Variants in ANKFN1 observed in about 807,000 individuals in gnomAD.
The protein encoded by ANKFN1 is ankyrin repeat and fibronectin type-III domain-containing protein 1.
A neutral mutation model predicts 108.7 loss-of-function variants in ANKFN1; 74 were observed. The observed-to-expected ratio is 0.68, with a 90% CI of 0.56 to 0.83. The LOEUF (loss-of-function observed/expected upper bound fraction) is 0.83. Among genes scored for constraint, ANKFN1 ranks in the 40% least tolerant of loss-of-function variants. The probability of loss-of-function intolerance (pLI) is 0.00; values close to 1 mark genes in which losing one functional copy is unlikely to be tolerated. For missense variants in ANKFN1, 1,505 were observed against 1,382.3 expected (o/e 1.09, Z -1.41); for synonymous variants, 547 against 516.2 (o/e 1.06, Z -0.81).
intron 4 of ANKFN1, among the ~76,000 whole-genome samples, chr17:56,122,700 AAGAG>A (rs1384745460): frequency 3.3e-5 from 5 of 152,210 alleles, no homozygotes; most frequent in African/African-American, 7.2e-5. Context: ...ATCAGAAAGA[AAGAG>A]AAAGAAAATC....
chr17:56,444,918 C>T (rs532590579), intron 10 of ANKFN1, among the ~76,000 whole-genome samples: 113 of 152,268 alleles, frequency 7.4e-4, no homozygotes, highest in African/African-American at 2.6e-3. Flanking sequence ...GCCATCTGTG[C>T]CTGACTACCA....
chr17:56,061,359 C>G (rs979815783), intron 4 of ANKFN1, among the ~76,000 whole-genome samples: 13 of 132,100 alleles, frequency 9.8e-5, no homozygotes, highest in African/African-American at 3.5e-4. Flanking sequence ...GCAACTTCTG[C>G]CTCCCAGGTT....
intron 3 of ANKFN1, among the ~76,000 whole-genome samples, chr17:56,260,921 AC>A (rs1468993417): frequency 5.9e-5 from 9 of 152,186 alleles, no homozygotes; most frequent in African/African-American, 2.2e-4. Context: ...GAGTTAACTT[AC>A]TCCTCTTTTG....
intron 1 of ANKFN1, among the ~76,000 whole-genome samples, chr17:56,190,564 T>C (rs1287438042): frequency 1.3e-3 from 180 of 134,484 alleles, no homozygotes; most frequent in African/African-American, 4.9e-3. Context: ...TTGATTGCAC[T>C]GTGGTCTGAG....
chr17:56,510,224 C>T (rs530838256), intron 20 of ANKFN1, among the ~76,000 whole-genome samples: 1 of 152,302 alleles, frequency 6.6e-6, no homozygotes, highest in Admixed American at 6.5e-5. Flanking sequence ...CTGAACCTGT[C>T]AGAGTTCCTC....
At chr17:56,472,357 A>G (rs1192206293) in intron 15 of ANKFN1, 1 of 152,210 alleles carries the variant, frequency 6.6e-6, no homozygotes, top group East Asian at 1.9e-4. Flanking sequence ...TTGAGTTTTC[A>G]TACTCCATCC....
chr17:56,067,783 C>T (rs530906540), intron 4 of ANKFN1, among the ~76,000 whole-genome samples: 43 of 152,220 alleles, frequency 2.8e-4, no homozygotes, highest in African/African-American at 9.9e-4. Context: ...TTATTAACTA[C>T]GAGGCAGGGA....
At chr17:56,077,757 T>C (rs1355951448) in intron 4 of ANKFN1, among the ~76,000 whole-genome samples, 1 of 152,072 alleles carries the variant, frequency 6.6e-6, no homozygotes, top group African/African-American at 2.4e-5. Flanking sequence ...ATGTGCTTTC[T>C]CTCCCACCTT....
intron 4 of ANKFN1, among the ~76,000 whole-genome samples, chr17:56,145,753 C>T (rs773389280): frequency 3.2e-4 from 48 of 152,186 alleles, no homozygotes; most frequent in African/African-American, 7.2e-4. Flanking sequence ...ACCAATCATG[C>T]GTTCCCAACA....
upstream of ANKFN1, among the ~76,000 whole-genome samples, chr17:56,152,258 ATATATGTGTGTGTG>A (rs1395695474): frequency 7.1e-5 from 6 of 84,458 alleles, no homozygotes; most frequent in Non-Finnish European, 1.3e-4. Context: ...ATATATATAT[ATATATGTGTGTGTG>A]TGTGTGTGTG....
At chr17:56,411,141 G>T (rs1457799200) in intron 8 of ANKFN1, among the ~76,000 whole-genome samples, 1 of 152,074 alleles carries the variant, frequency 6.6e-6, no homozygotes, top group East Asian at 1.9e-4. Context: ...AACATGGGAT[G>T]TCTTTCCACC....
chr17:56,353,592 C>T (rs2046302249), intron 5 of ANKFN1, among the ~76,000 whole-genome samples: 1 of 152,094 alleles, frequency 6.6e-6, no homozygotes. Context: ...CTGAGGTTTG[C>T]TCTTATCTAC....
intron 4 of ANKFN1, among the ~76,000 whole-genome samples, chr17:56,141,923 C>CTTTTTTTTTT (rs34394014): frequency 2.1e-5 from 2 of 95,670 alleles, no homozygotes; most frequent in Admixed American, 1.3e-4. Context: ...CGATGGTGTA[C>CTTTTTTTTTT]TTTTTTTTTT....
At position 56,457,753 on chromosome 17, in the gene ANKFN1, G is replaced by A. The variant is rs74951476; in HGVS notation, c.1441-110G>A. On this transcript the variant is annotated intron_variant, in intron 13 of 20. Transcript: ENST00000682825. ...TTCGTGTGTGTCTGAAAATGGACTGGAGAATAAACATCAGGGGTCAGATTT... is the reference window on the plus strand; with the variant it reads ...TTCGTGTGTGTCTGAAAATGGACTGAAGAATAAACATCAGGGGTCAGATTT... The A allele has an allele frequency of 5.0e-3, 3,963 of 790,656 alleles. 126 individuals carry two copies. The East Asian group carries it at 0.071, about 14-fold the overall frequency. 49.0% of individuals were successfully genotyped at this position (790,656 alleles called of 1,614,324 possible).
chr17:56,361,466 T>G (rs2046515115), intron 6 of ANKFN1, among the ~76,000 whole-genome samples: 1 of 151,950 alleles, frequency 6.6e-6, no homozygotes, highest in South Asian at 2.1e-4. Context: ...ATTTCTGGAG[T>G]CAGAGAGCTC....
chr17:56,403,622 G>A lies in ANKFN1; in HGVS notation c.910+28908G>A, dbSNP rs545633677. On this transcript the variant is annotated intron_variant, in intron 8 of 20. Coordinates refer to ENST00000682825, the MANE Select transcript of ANKFN1 (RefSeq NM_001370326.1). ...CATTCTGTGGTTCTGTATCTTTTAA[G>A]TGGAGCATTTAGGCCATTTACATTC... Among the ~76,000 whole-genome samples the A allele has an allele frequency of 5.3e-5, 8 of 152,304 alleles. No individual in the cohort carries two copies. In the South Asian group the frequency reaches 1.2e-3, roughly 24 times the overall value.
At chr17:56,394,325 T>C (rs2047518542) in intron 8 of ANKFN1, among the ~76,000 whole-genome samples, 1 of 152,128 alleles carries the variant, frequency 6.6e-6, no homozygotes, top group Non-Finnish European at 1.5e-5. Context: ...TCTGCAAAGG[T>C]GATTATGTCA....
At chr17:56,311,356 G>T (rs1390970480) in intron 3 of ANKFN1, among the ~76,000 whole-genome samples, 1 of 152,162 alleles carries the variant, frequency 6.6e-6, no homozygotes, top group African/African-American at 2.4e-5. Context: ...GGGTTCAAAA[G>T]AATTGGTGAG....
At chr17:56,378,726 G>T (rs2047008094) in intron 8 of ANKFN1, among the ~76,000 whole-genome samples, 2 of 152,178 alleles carry the variant, frequency 1.3e-5, no homozygotes, top group Admixed American at 6.5e-5. Flanking sequence ...ACGTCCAGAG[G>T]ACATGAAACT....
Sources: gnomAD v4.1 joint callset for allele counts (sites outside exome capture counted in the v4.1 genomes callset) on GRCh38, gnomAD v4.1.1 for gene constraint, MANE v1.5 for transcripts, NCBI Gene and HGNC (gene_info 2026-07-23, HGNC 2026-07-21) for gene names.